SLC3A2: variants seen among roughly 807,000 people sequenced by gnomAD.
SLC3A2 encodes solute carrier family 3 member 2.
SLC3A2 carries 32 observed loss-of-function variants against 48.5 expected under a neutral mutation model. That is an observed-to-expected ratio of 0.66 (90% CI 0.50 to 0.89). The LOEUF (loss-of-function observed/expected upper bound fraction) is 0.89, where lower values mean the gene tolerates loss of function less well. SLC3A2 is among the 40% of genes least tolerant of loss of function. SLC3A2 has a pLI of 0.00. For missense variants in SLC3A2, 587 were observed against 680.7 expected, an observed-to-expected ratio of 0.86 and a Z score of 1.53; for synonymous variants, 277 against 288.8, an observed-to-expected ratio of 0.96 and a Z score of 0.41.
At chr11:62,870,153 AT>A (rs2085496130) in intron 1 of SLC3A2, among the ~76,000 whole-genome samples, 1 of 149,084 alleles carries the variant, frequency 6.7e-6, no homozygotes. Flanking sequence ...AGATATTCTT[AT>A]TTTTTTCTGA....
chr11:62,864,127 C>T (rs2085428322), intron 1 of SLC3A2, among the ~76,000 whole-genome samples: 1 of 152,074 alleles, frequency 6.6e-6, no homozygotes, highest in Non-Finnish European at 1.5e-5. Flanking sequence ...TTAATGGTGG[C>T]ACTAATCTCT....
chr11:62,883,069 C>G (rs2135013172), intron 3 of SLC3A2, 70 bp downstream of exon 3: 1 of 1,425,014 alleles, frequency 7.0e-7, no homozygotes, highest in Middle Eastern at 1.8e-4. Flanking sequence ...ACAGCAAGCC[C>G]TGTAGACCCA....
At chr11:62,864,899 C>G (rs2085437546) in intron 1 of SLC3A2, among the ~76,000 whole-genome samples, 2 of 152,074 alleles carry the variant, frequency 1.3e-5, no homozygotes, top group Admixed American at 1.3e-4. Flanking sequence ...CTCCCATGCC[C>G]AGTCCCCGTT....
In SLC3A2 at chr11:62,881,988, A is replaced by G. The variant is rs1373808959; in HGVS notation, c.520A>G (p.Thr174Ala). 1 of 1,614,074 alleles carries G rather than the reference A, an allele frequency of 6.2e-7. No homozygotes were observed. Among genetic ancestry groups the G allele is most frequent in the African/African-American group, 1.3e-5 (1 of 74,924 alleles). Reference protein sequence around the residue: ...HKNQKDDVAQTDLLQIDPNFG... With the variant: ...HKNQKDDVAQADLLQIDPNFG... Reference sequence around the variant, plus strand: ...GAACCAGAAGGATGATGTCGCTCAGACTGACTTGCTGCAGATCGACCCCAA... The same window carrying G: ...GAACCAGAAGGATGATGTCGCTCAGGCTGACTTGCTGCAGATCGACCCCAA... The change falls in exon 2 of 9, where the codon ACT becomes GCT. Residue 174 changes from threonine (T) to alanine (A), a missense_variant. Physicochemically the swap from Thr to Ala is moderately conservative, Grantham distance 58 (BLOSUM62 0). This residue lies in a region of SLC3A2 where 409 missense variants were observed against 446.7 expected (regional missense o/e 0.92). Transcript: ENST00000338663. This position sits in a 1 kb window ranked among gnomAD's most constrained non-coding sequence, Gnocchi z 4.0.
intron 1 of SLC3A2, among the ~76,000 whole-genome samples, chr11:62,863,521 C>T (rs1447281674): frequency 6.6e-6 from 1 of 152,162 alleles, no homozygotes; most frequent in Non-Finnish European, 1.5e-5. Context: ...ATAGAATTTC[C>T]TGGGTTGTGG....
Position 62,881,293 on chromosome 11 carries a change from C to G in SLC3A2, c.270C>G (p.Leu90=), listed in dbSNP as rs374042691. ...GGGCACTGCTGCTGCTCTTCTGGCT[C>G]GGCTGGCTCGGCATGCTTGCTGGTG... is the stretch of plus-strand genomic sequence containing the variant. The part of the protein sequence containing the change: ...TRWALLLLFW[L]GWLGMLAGAV... The change falls in exon 1 of 9, where the codon CTC becomes CTG. Residue 90 remains leucine (L), a synonymous_variant. Transcript: ENST00000338663. The surrounding 1 kb of genome is among the most constrained non-coding windows in gnomAD (Gnocchi z 4.0). The G allele has an allele frequency of 9.5e-6, 15 of 1,577,880 alleles. No homozygotes were observed. In the African/African-American group the frequency reaches 1.9e-4, roughly 20 times the overall value.
chr11:62,864,611 C>T (rs1485184759), intron 1 of SLC3A2, among the ~76,000 whole-genome samples: 2 of 148,336 alleles, frequency 1.3e-5, no homozygotes, highest in Admixed American at 6.8e-5. Flanking sequence ...GGATTACAGG[C>T]GCCCACCACC....
At chr11:62,861,941 C>T (rs1050634646) in intron 1 of SLC3A2, among the ~76,000 whole-genome samples, 214 of 115,902 alleles carry the variant, frequency 1.8e-3, no homozygotes, top group African/African-American at 6.1e-3. Flanking sequence ...AAAGTCTGGT[C>T]AGGTCCCACT....
At chr11:62,870,532 CTAATTT>C (rs2085500463) in intron 1 of SLC3A2, among the ~76,000 whole-genome samples, 1 of 151,608 alleles carries the variant, frequency 6.6e-6, no homozygotes, top group Non-Finnish European at 1.5e-5. Flanking sequence ...AAGTAGTGAT[CTAATTT>C]TATTTTTTTA....
intron 1 of SLC3A2, among the ~76,000 whole-genome samples, chr11:62,873,009 C>G (rs1248198863): frequency 1.3e-5 from 2 of 151,998 alleles, no homozygotes; most frequent in African/African-American, 4.8e-5. Context: ...TCTCTTTCAC[C>G]TTATTGATTA....
rs569257082 is a variant in SLC3A2 at position 62,868,392 on chromosome 11, G to T, written c.112+12011G>T. ...TTTTTTTTTTTTTTTTTGAGATGGAGTCTCACTCTCTTGCCCAGGCTGGAG... is the reference window on the plus strand; with the variant it reads ...TTTTTTTTTTTTTTTTTGAGATGGATTCTCACTCTCTTGCCCAGGCTGGAG... On this transcript the variant is annotated intron_variant, in intron 1 of 9. Coordinates refer to the SLC3A2 transcript ENST00000377889. Among the ~76,000 whole-genome samples, 237 of 139,654 alleles carry T rather than the reference G, an allele frequency of 1.7e-3. 2 individuals carry two copies. Among genetic ancestry groups the T allele is most frequent in the African/African-American group, 5.9e-3 (219 of 37,222 alleles). 91.6% of individuals were successfully genotyped at this position (139,654 alleles called of 152,430 possible).
At chr11:62,873,951 T>A (rs1194336053) in intron 1 of SLC3A2, among the ~76,000 whole-genome samples, 1 of 145,274 alleles carries the variant, frequency 6.9e-6, no homozygotes, top group Non-Finnish European at 1.5e-5. Context: ...CCCCAGGTAC[T>A]TGCACCATGC....
At chr11:62,860,142 G>A (rs1317328572) in intron 1 of SLC3A2, among the ~76,000 whole-genome samples, 4 of 152,118 alleles carry the variant, frequency 2.6e-5, no homozygotes, top group African/African-American at 9.7e-5. Flanking sequence ...AAGGAAAGGT[G>A]CTGTGCCTTG....
chr11:62,883,717 G>C (rs1051862027), intron 3 of SLC3A2: 5 of 263,636 alleles, frequency 1.9e-5, no homozygotes, highest in Non-Finnish European at 1.5e-5. Flanking sequence ...CCCTTTAAAA[G>C]TTGCTGATGA....
intron 2 of SLC3A2, 150 bp from the exon 3 acceptor site, chr11:62,882,758 T>C: frequency 2.9e-6 from 2 of 686,738 alleles, no homozygotes; most frequent in South Asian, 3.4e-5. Context: ...CTCACATCTG[T>C]TTCAATGGAA....
intron 1 of SLC3A2, among the ~76,000 whole-genome samples, chr11:62,861,930 A>T (rs1438609158): frequency 1.4e-5 from 2 of 140,862 alleles, no homozygotes; most frequent in South Asian, 4.4e-4. Flanking sequence ...AAAAAAAAAA[A>T]AAAGTCTGGT....
intron 1 of SLC3A2, among the ~76,000 whole-genome samples, chr11:62,862,430 C>T (rs2085410494): frequency 6.7e-6 from 1 of 149,086 alleles, no homozygotes; most frequent in Non-Finnish European, 1.5e-5. Context: ...TGAGAGGGTC[C>T]CTTGAGGCCA....
chr11:62,860,839 T>C lies in SLC3A2; in HGVS notation c.112+4458T>C, dbSNP rs369845984. ...GAGACTGGAGAATGGCGATGACTTTTACCAAGCATACTGCCTGCAAACACA... is the reference window on the plus strand; with the variant it reads ...GAGACTGGAGAATGGCGATGACTTTCACCAAGCATACTGCCTGCAAACACA... On this transcript the variant is annotated intron_variant, in intron 1 of 9. Coordinates refer to the SLC3A2 transcript ENST00000377889. Among the ~76,000 whole-genome samples the C allele has an allele frequency of 5.7e-4, 87 of 152,334 alleles. 1 individual carries two copies. The South Asian group carries it at 0.018, about 31-fold the overall frequency.
chr11:62,863,801 G>T (rs1351620688), intron 1 of SLC3A2, among the ~76,000 whole-genome samples: 1 of 152,216 alleles, frequency 6.6e-6, no homozygotes, highest in Non-Finnish European at 1.5e-5. Flanking sequence ...CCCTGATGCT[G>T]TTTCTCAAAA....
Sources: gnomAD v4.1 joint callset for allele counts (sites outside exome capture counted in the v4.1 genomes callset) on GRCh38, gnomAD v4.1.1 for gene constraint, gnomAD v4.1.1 regional missense constraint, Gnocchi (gnomAD v3.1) non-coding constraint, MANE v1.5 for transcripts, NCBI Gene and HGNC (gene_info 2026-07-23, HGNC 2026-07-21) for gene names.